Variants in LRRIQ1 observed in about 807,000 individuals in gnomAD.
The protein encoded by LRRIQ1 is leucine-rich repeat- and IQ domain-containing protein 1.
Under a neutral mutation model 211.9 loss-of-function variants are expected in LRRIQ1, and 210 were observed. That is an observed-to-expected ratio of 0.99 (90% confidence interval 0.89 to 1.11). The LOEUF is 1.11. Among genes scored for constraint, LRRIQ1 ranks in the 50% most tolerant of loss-of-function variants. LRRIQ1 has a pLI of 0.00. For synonymous variants in LRRIQ1, 699 were observed against 650.1 expected, an observed-to-expected ratio of 1.08 and a Z score of -1.14; for missense variants, 2,136 against 1,939.5, an observed-to-expected ratio of 1.10 and a Z score of -1.90.
intron 24 of LRRIQ1, among the ~76,000 whole-genome samples, chr12:85,199,439 GTCTC>G (rs921671107): frequency 5.3e-5 from 8 of 151,912 alleles, no homozygotes; most frequent in African/African-American, 1.5e-4. Context: ...ATTATTTCTG[GTCTC>G]TCTATTTGGC....
chr12:85,251,404 A>G (rs563188697), intron 1 of LRRIQ1, among the ~76,000 whole-genome samples: 19 of 151,996 alleles, frequency 1.3e-4, no homozygotes, highest in Admixed American at 4.0e-4. Flanking sequence ...ATTAAACTGG[A>G]ATTATGAGGT....
intron 23 of LRRIQ1, among the ~76,000 whole-genome samples, chr12:85,155,138 A>T (rs553061848): frequency 5.9e-5 from 9 of 151,548 alleles, no homozygotes; most frequent in African/African-American, 9.7e-5. Flanking sequence ...TCATTTTTAT[A>T]TTCTGAAGTG....
downstream of LRRIQ1, among the ~76,000 whole-genome samples, chr12:85,265,483 C>G (rs1896399949): frequency 6.6e-6 from 1 of 151,948 alleles, no homozygotes; most frequent in African/African-American, 2.4e-5. Context: ...ACAATGAAAT[C>G]TATTATCTGC....
intron 7 of LRRIQ1, among the ~76,000 whole-genome samples, chr12:85,054,808 A>G (rs1362272052): frequency 6.6e-6 from 1 of 151,970 alleles, no homozygotes; most frequent in Non-Finnish European, 1.5e-5. Flanking sequence ...TTTATTTAAT[A>G]GTTTGATTTT....
intron 24 of LRRIQ1, among the ~76,000 whole-genome samples, chr12:85,226,270 T>G (rs1164991907): frequency 4.6e-5 from 7 of 152,120 alleles, no homozygotes; most frequent in Non-Finnish European, 7.4e-5. Context: ...TAACTAAAAG[T>G]TTGCTTATTA....
At chr12:85,065,465 A>T in intron 9 of LRRIQ1, 51 bp downstream of exon 9, 2 of 1,371,516 alleles carry the variant, frequency 1.5e-6, no homozygotes, top group Non-Finnish European at 1.9e-6. Flanking sequence ...TATAAAATGG[A>T]TTTATGTTTA....
intron 14 of LRRIQ1, among the ~76,000 whole-genome samples, chr12:85,104,827 A>G (rs1053024240): frequency 6.6e-6 from 1 of 152,038 alleles, no homozygotes; most frequent in Non-Finnish European, 1.5e-5. Flanking sequence ...ATTGTTGGAT[A>G]ATAGAGTAGG....
At chr12:85,258,487 C>A (rs2137327478) in intron 1 of LRRIQ1, among the ~76,000 whole-genome samples, 1 of 151,930 alleles carries the variant, frequency 6.6e-6, no homozygotes, top group African/African-American at 2.4e-5. Context: ...ACAACCTGTT[C>A]AATATTTATT....
chr12:85,122,800 T>A (rs1466432508), intron 16 of LRRIQ1, among the ~76,000 whole-genome samples: 1 of 152,066 alleles, frequency 6.6e-6, no homozygotes, highest in Non-Finnish European at 1.5e-5. Context: ...CTGCGATTAT[T>A]TACATTTGTC....
intron 25 of LRRIQ1, among the ~76,000 whole-genome samples, chr12:85,231,403 TA>T (rs1894934534): frequency 6.6e-6 from 1 of 152,224 alleles, no homozygotes; most frequent in South Asian, 2.1e-4. Context: ...TTTATCTTAC[TA>T]AGTATTCAAA....
chr12:85,146,189 C>T (rs972477419), intron 19 of LRRIQ1, among the ~76,000 whole-genome samples: 1 of 151,744 alleles, frequency 6.6e-6, no homozygotes, highest in Admixed American at 6.6e-5. Context: ...CCAGAATAAC[C>T]CTGGTCAGCG....
At chr12:85,074,689 T>A (rs1274209389) in intron 11 of LRRIQ1, among the ~76,000 whole-genome samples, 4 of 152,054 alleles carry the variant, frequency 2.6e-5, no homozygotes, top group Non-Finnish European at 5.9e-5. Context: ...TTGTCCTTTG[T>A]TTGAAATTTC....
At chr12:85,113,907 TTGTGTG>T (rs71076112) in intron 15 of LRRIQ1, among the ~76,000 whole-genome samples, 2,186 of 140,948 alleles carry the variant, frequency 0.016, 24 homozygotes, top group Middle Eastern at 0.036. Flanking sequence ...CAAATGAGTT[TTGTGTG>T]TGTGTGTGTG....
At position 85,263,104 on chromosome 12, in the gene LRRIQ1, T is replaced by C. The variant is rs976350732; in HGVS notation, c.*44T>C. The C allele has an allele frequency of 7.1e-6, 7 of 982,844 alleles. No individual in the cohort carries two copies. In the African/African-American group the frequency reaches 8.7e-5, roughly 12 times the overall value. 60.9% of individuals were successfully genotyped at this position (982,844 alleles called of 1,614,324 possible). ...TCAAAACATGTGGCAAACTGTTTCA[T>C]GAAGTCTGGATATCTAGTCATGTTA... On this transcript the variant is annotated 3_prime_UTR_variant, in exon 2 of 2. Coordinates refer to the LRRIQ1 transcript ENST00000602731.
the LRRIQ1 span, among the ~76,000 whole-genome samples, chr12:85,270,998 A>T: frequency 6.6e-6 from 1 of 152,210 alleles, no homozygotes; most frequent in Non-Finnish European, 1.5e-5. Context: ...ATGAAAACAT[A>T]GGCTAGAATG....
At chr12:85,198,712 C>A (rs944524113) in intron 24 of LRRIQ1, among the ~76,000 whole-genome samples, 1 of 151,920 alleles carries the variant, frequency 6.6e-6, no homozygotes, top group African/African-American at 2.4e-5. Context: ...GGACTACAGG[C>A]GCCTGCCTCC....
rs1370201757 is a variant in LRRIQ1, at chr12:85,194,570, A to G, written c.4822+33856A>G. 5.0e-3 allele frequency among the ~76,000 whole-genome samples: 761 copies of G among 151,298 alleles called. 4 individuals are homozygous for G. The highest frequency in any genetic ancestry group is 8.2e-3 in the Non-Finnish European group (554 of 67,602). On this transcript the variant is annotated intron_variant, in intron 24 of 26. Coordinates refer to ENST00000393217, the MANE Select transcript of LRRIQ1 (RefSeq NM_001079910.2). The stretch of plus-strand genomic sequence containing the variant: ...AAACTGAACAACCTGCTCCTGAATG[A>G]CTACTGGGTACATAACAAAATGAAG...
At chr12:85,190,525 C>T (rs1394731666) in intron 24 of LRRIQ1, among the ~76,000 whole-genome samples, 2 of 147,698 alleles carry the variant, frequency 1.4e-5, no homozygotes, top group Non-Finnish European at 3.0e-5. Context: ...TATAAGTGAA[C>T]ATAAATAATA....
chr12:85,269,062 A>T (rs1425659817), downstream of LRRIQ1, among the ~76,000 whole-genome samples: 1 of 152,028 alleles, frequency 6.6e-6, no homozygotes, highest in Non-Finnish European at 1.5e-5. Context: ...CAGCCTAAAT[A>T]AATACCTGGA....
Sources: allele counts gnomAD v4.1 joint callset (sites outside exome capture counted in the v4.1 genomes callset), GRCh38; gene constraint gnomAD v4.1.1; transcripts MANE v1.5; gene names NCBI Gene and HGNC (gene_info 2026-07-23, HGNC 2026-07-21).